The following OR3A2 variants were observed in gnomAD, a reference collection of about 807,000 sequenced individuals.
OR3A2 encodes the protein olfactory receptor 3A2.
For synonymous variants in OR3A2, 126 were observed against 159.3 expected, an observed-to-expected ratio of 0.79 and a Z score of 1.57; for missense variants, 318 against 392.8, an observed-to-expected ratio of 0.81 and a Z score of 1.61.
chr17:3,296,099 A>G (rs1422100739), intron 3 of OR3A2, among the ~76,000 whole-genome samples: 12 of 152,154 alleles, frequency 7.9e-5, no homozygotes, highest in African/African-American at 2.9e-4. Context: ...CTGCCCAGAA[A>G]CAGCATATAT....
At chr17:3,365,051 C>A (rs1166028406) in intron 2 of OR3A2, among the ~76,000 whole-genome samples, 2 of 152,086 alleles carry the variant, frequency 1.3e-5, no homozygotes, top group Non-Finnish European at 2.9e-5. Flanking sequence ...ATGACCAGAG[C>A]AAACCCTGAG....
At chr17:3,294,690 C>A (rs2048905742) in intron 3 of OR3A2, among the ~76,000 whole-genome samples, 1 of 151,888 alleles carries the variant, frequency 6.6e-6, no homozygotes, top group Admixed American at 6.6e-5. Flanking sequence ...AAAAAACAGA[C>A]AAACAAACAA....
intron 3 of OR3A2, among the ~76,000 whole-genome samples, chr17:3,320,694 G>T (rs1293441186): frequency 6.6e-6 from 1 of 151,738 alleles, no homozygotes; most frequent in African/African-American, 2.4e-5. Context: ...GCTGTAGATA[G>T]GCGGCATTAT....
chr17:3,278,510 G>A, exon 2 of OR3A2: 1 of 1,614,008 alleles, frequency 6.2e-7, no homozygotes, highest in Non-Finnish European at 8.5e-7. Context: ...TCATGCGGGT[G>A]CTGTAGGTGA....
chr17:3,303,916 T>C (rs1239533656), intron 3 of OR3A2, among the ~76,000 whole-genome samples: 2 of 127,982 alleles, frequency 1.6e-5, no homozygotes, highest in Admixed American at 9.2e-5. Context: ...GATATAGATA[T>C]AGATATAAAT....
At chr17:3,341,634 C>G (rs1013342637) in intron 2 of OR3A2, among the ~76,000 whole-genome samples, 2 of 152,218 alleles carry the variant, frequency 1.3e-5, no homozygotes, top group Non-Finnish European at 2.9e-5. Context: ...GAGAGATCCA[C>G]TGTTAGTCTG....
intron 2 of OR3A2, among the ~76,000 whole-genome samples, chr17:3,337,087 A>G (rs2049279721): frequency 6.6e-6 from 1 of 152,178 alleles, no homozygotes; most frequent in African/African-American, 2.4e-5. Context: ...AGGTCCCAGG[A>G]AGCAAGGCCC....
Position 3,321,154 on chromosome 17 carries a change from G to C in OR3A2, c.-85+14879C>G, listed in dbSNP as rs922242831. Among the ~76,000 whole-genome samples, 91 of 151,872 alleles carry C rather than the reference G, an allele frequency of 6.0e-4. 1 individual carries two copies. Among genetic ancestry groups the C allele is most frequent in the South Asian group, 4.4e-3 (21 of 4,824 alleles). ...CTCTTTGAAGCAATTGTGAATGGGA[G>C]TTCACTCATGATTTGGCTCTCTGTT... is the stretch of plus-strand genomic sequence containing the variant. On this transcript the variant is annotated intron_variant, in intron 3 of 4. Transcript: ENST00000573491.
chr17:3,348,209 G>C (rs1460195844), intron 2 of OR3A2, among the ~76,000 whole-genome samples: 10 of 152,098 alleles, frequency 6.6e-5, no homozygotes, highest in East Asian at 5.8e-4. Context: ...TGTTCACTCT[G>C]ATGGTAGTTT....
intron 2 of OR3A2, among the ~76,000 whole-genome samples, chr17:3,360,337 A>C (rs1212661066): frequency 6.6e-6 from 1 of 151,596 alleles, no homozygotes; most frequent in African/African-American, 2.4e-5. Flanking sequence ...AGATGAGTAG[A>C]TTGCAAAAAT....
chr17:3,276,453 A>G (rs2048735790), downstream of OR3A2, among the ~76,000 whole-genome samples: 1 of 152,236 alleles, frequency 6.6e-6, no homozygotes, highest in Non-Finnish European at 1.5e-5. Context: ...GCAGTGAAGG[A>G]ACATTTGGAT....
At chr17:3,303,357 T>C (rs189242910) in intron 3 of OR3A2, among the ~76,000 whole-genome samples, 4 of 152,326 alleles carry the variant, frequency 2.6e-5, no homozygotes, top group Non-Finnish European at 5.9e-5. Flanking sequence ...CTACTCATCA[T>C]ATGACAATGA....
At chr17:3,293,580 AG>A (rs889860179) in intron 3 of OR3A2, among the ~76,000 whole-genome samples, 3 of 152,216 alleles carry the variant, frequency 2.0e-5, no homozygotes, top group African/African-American at 7.2e-5. Context: ...CATATAAACA[AG>A]GATTCTACAA....
intron 2 of OR3A2, among the ~76,000 whole-genome samples, chr17:3,345,362 T>G (rs759676315): frequency 6.8e-6 from 1 of 147,652 alleles, no homozygotes; most frequent in Non-Finnish European, 1.5e-5. Context: ...TCTTAAATAA[T>G]GAAGACAGCC....
intron 3 of OR3A2, among the ~76,000 whole-genome samples, chr17:3,300,961 G>A (rs1030194335): frequency 3.3e-5 from 5 of 151,610 alleles, no homozygotes; most frequent in African/African-American, 7.3e-5. Flanking sequence ...CTGTCCTTGT[G>A]ATAGTTTGCT....
chr17:3,335,252 GT>G (rs940925242), intron 3 of OR3A2, among the ~76,000 whole-genome samples: 7 of 152,096 alleles, frequency 4.6e-5, no homozygotes, highest in African/African-American at 1.7e-4. Context: ...CTCCAAGTCT[GT>G]TTTTTGCCTT....
At position 3,292,210 on chromosome 17, in the gene OR3A2, G is replaced by A. The variant is rs188930692; in HGVS notation, c.-84-13057C>T. 3.2e-5 allele frequency: 51 copies of A among 1,614,116 alleles called. No individual in the cohort carries two copies. In the East Asian group the frequency reaches 1.0e-3, roughly 32 times the overall value. On this transcript the variant is annotated intron_variant, in intron 3 of 4. Coordinates refer to the OR3A2 transcript ENST00000573491. ...AGGGGCCGGCAGATGGCCAGGAATC[G>A]GTCATAGGCCATGGCGGTCAGCAGG...
chr17:3,359,867 G>A (rs1240945899), intron 2 of OR3A2, among the ~76,000 whole-genome samples: 1 of 151,718 alleles, frequency 6.6e-6, no homozygotes, highest in African/African-American at 2.4e-5. Flanking sequence ...TGTGAGTAGT[G>A]CCGCAATAAA....
At chr17:3,376,605 G>A (rs2049687033) in intron 2 of OR3A2, among the ~76,000 whole-genome samples, 2 of 152,118 alleles carry the variant, frequency 1.3e-5, no homozygotes, top group Admixed American at 6.5e-5. Flanking sequence ...CAGCTTCCAT[G>A]CAGCCAGAAA....
Sources: gnomAD v4.1 joint callset for allele counts (sites outside exome capture counted in the v4.1 genomes callset) on GRCh38, gnomAD v4.1.1 for gene constraint, MANE v1.5 for transcripts, NCBI Gene and HGNC (gene_info 2026-07-23, HGNC 2026-07-21) for gene names.